Variants in ATP8B1 observed in about 807,000 individuals in gnomAD.
ATP8B1 encodes phospholipid-transporting ATPase IC.
ATP8B1 carries 80 observed loss-of-function variants against 149.9 expected under a neutral mutation model. That is an observed-to-expected ratio of 0.53 (90% CI 0.45 to 0.64). The LOEUF is 0.64. Among genes scored for constraint, ATP8B1 ranks in the 30% least tolerant of loss-of-function variants. ATP8B1 has a pLI of 0.00. For missense variants in ATP8B1, 1,247 were observed against 1,552.6 expected (o/e 0.80, Z 3.31); for synonymous variants, 536 against 562.8 (o/e 0.95, Z 0.67).
intron 2 of ATP8B1, among the ~76,000 whole-genome samples, chr18:57,722,407 A>G (rs1193589861): frequency 7.0e-6 from 1 of 142,824 alleles, no homozygotes; most frequent in Admixed American, 7.1e-5. Context: ...AAAAAATGAT[A>G]AAGGGGATAT....
chr18:57,794,709 T>C (rs1681955976), intron 1 of ATP8B1, among the ~76,000 whole-genome samples: 1 of 151,826 alleles, frequency 6.6e-6, no homozygotes. Context: ...CACTTGAACC[T>C]GGGAGGCGGA....
At position 57,648,361 on chromosome 18, in the gene ATP8B1, A is replaced by G. The variant is rs1456983955; in HGVS notation, c.*127T>C. The G allele has an allele frequency of 1.8e-6, 2 of 1,130,406 alleles. No homozygotes were observed. Among genetic ancestry groups the G allele is most frequent in the Non-Finnish European group, 2.6e-6 (2 of 767,322 alleles). The allele number at this position is 1,130,406 out of a possible 1,614,324, so 70.0% of individuals were successfully genotyped here. On this transcript the variant is annotated 3_prime_UTR_variant, in exon 28 of 28. Transcript: ENST00000648908. ...TAGTCCAACCCAAGGAGTTTGTTAT[A>G]AAGATTATTTATTGTCTTCAATATC...
At chr18:57,707,591 C>T (rs998657371) in intron 2 of ATP8B1, among the ~76,000 whole-genome samples, 1 of 143,616 alleles carries the variant, frequency 7.0e-6, no homozygotes, top group African/African-American at 2.6e-5. Context: ...TCACTGCAAC[C>T]TCTGCCTCCC....
chr18:57,789,936 G>A (rs1380345719), intron 1 of ATP8B1, among the ~76,000 whole-genome samples: 1 of 152,026 alleles, frequency 6.6e-6, no homozygotes, highest in East Asian at 1.9e-4. Context: ...TCCCAAAACT[G>A]TGTCTCCAAC....
intron 1 of ATP8B1, among the ~76,000 whole-genome samples, chr18:57,797,371 T>C (rs1034559786): frequency 2.6e-5 from 4 of 152,182 alleles, no homozygotes; most frequent in Non-Finnish European, 4.4e-5. Context: ...ACAGTACTCA[T>C]TGCAGAAGTG....
intron 3 of ATP8B1, 54 bp downstream of exon 3, chr18:57,706,436 C>G: frequency 6.9e-7 from 1 of 1,459,408 alleles, no homozygotes; most frequent in Non-Finnish European, 9.6e-7. Context: ...AGCATGCCAG[C>G]TACTGGAAAA....
intron 1 of ATP8B1, chr18:57,734,023 T>C (rs1269911363): frequency 6.6e-6 from 1 of 152,208 alleles, no homozygotes; most frequent in African/African-American, 2.4e-5. Context: ...TCTCATATTA[T>C]AGGATAATGT....
intron 1 of ATP8B1, among the ~76,000 whole-genome samples, chr18:57,754,782 C>CTACT (rs1047925530): frequency 1.2e-4 from 18 of 152,264 alleles, no homozygotes; most frequent in African/African-American, 4.1e-4. Context: ...AACTCGTAAC[C>CTACT]TACTGTCTCA....
At chr18:57,721,004 T>A (rs912254520) in intron 2 of ATP8B1, among the ~76,000 whole-genome samples, 21 of 128,328 alleles carry the variant, frequency 1.6e-4, no homozygotes, top group African/African-American at 6.2e-4. Flanking sequence ...CTAAGCTTCA[T>A]AAGTGAAGGA....
rs767343941 is a variant in ATP8B1, at chr18:57,648,528, G to A, written c.3716C>T (p.Ala1239Val). 2.5e-6 allele frequency: 4 copies of A among 1,611,372 alleles called. No individual in the cohort carries two copies. Among genetic ancestry groups the A allele is most frequent in the East Asian group, 2.2e-5 (1 of 44,888 alleles). The change falls in exon 28 of 28, where the codon GCG (alanine) becomes GTG (valine). Residue 1239 changes from alanine (A) to valine (V), a missense_variant. Transcript: ENST00000648908. The part of the protein sequence containing the change: ...KKRSPLDAIV[A>V]DGTAEYRRTG... ...GCGCCTGTACTCCGCGGTGCCATCC[G>A]CCACGATGGCATCAAGCGGCGAGCG... is the stretch of plus-strand genomic sequence containing the variant.
At chr18:57,732,291 ATATATATGTG>A (rs2079789347) in intron 1 of ATP8B1, among the ~76,000 whole-genome samples, 1 of 6,686 alleles carries the variant, frequency 1.5e-4, no homozygotes, top group African/African-American at 6.8e-4. Context: ...GTATATATGT[ATATATATGTG>A]TATATATGTG....
intron 2 of ATP8B1, among the ~76,000 whole-genome samples, chr18:57,727,392 T>TA (rs1451355633): frequency 6.6e-6 from 1 of 152,232 alleles, no homozygotes; most frequent in Non-Finnish European, 1.5e-5. Context: ...CTACGATTGA[T>TA]ACGTTTCAAT....
At chr18:57,733,386 G>A (rs571828852) in intron 1 of ATP8B1, among the ~76,000 whole-genome samples, 1 of 152,226 alleles carries the variant, frequency 6.6e-6, no homozygotes, top group East Asian at 1.9e-4. Flanking sequence ...ACACTGGAGT[G>A]CTAAATAATT....
intron 22 of ATP8B1, among the ~76,000 whole-genome samples, 198 bp downstream of exon 22, chr18:57,660,976 C>T (rs771695475): frequency 1.3e-5 from 2 of 152,190 alleles, no homozygotes; most frequent in Non-Finnish European, 2.9e-5. Flanking sequence ...GTCAGTGATA[C>T]TCTTTCCTCC....
At chr18:57,705,303 T>C (rs1913334276) in intron 3 of ATP8B1, among the ~76,000 whole-genome samples, 1 of 152,060 alleles carries the variant, frequency 6.6e-6, no homozygotes, top group African/African-American at 2.4e-5. Context: ...CCAGGAAAAG[T>C]GAGGCTTTTA....
chr18:57,749,857 C>A (rs1417952875), intron 1 of ATP8B1, among the ~76,000 whole-genome samples: 1 of 152,172 alleles, frequency 6.6e-6, no homozygotes, highest in Non-Finnish European at 1.5e-5. Flanking sequence ...GCTATTTTAA[C>A]ACTTTGATCC....
chr18:57,676,138 TA>T (rs1911570475), intron 15 of ATP8B1, among the ~76,000 whole-genome samples: 1 of 152,172 alleles, frequency 6.6e-6, no homozygotes, highest in African/African-American at 2.4e-5. Context: ...ATCTTCCCTC[TA>T]AAAAAGTATG....
At position 57,655,268 on chromosome 18, in the gene ATP8B1, A is replaced by G; in HGVS notation, c.2857T>C (p.Tyr953His). 4 of 1,614,232 alleles carry G rather than the reference A, an allele frequency of 2.5e-6. No homozygotes were observed. The highest frequency in any genetic ancestry group is 3.4e-6 in the Non-Finnish European group (4 of 1,180,034). The change falls in exon 23 of 28, where the codon TAC becomes CAC. Residue 953 changes from tyrosine (Y) to histidine (H), a missense_variant. Transcript: ENST00000648908. Reference sequence around the variant, plus strand: ...AAGGCAAAGTTTTTGTAAAAGAAGTATCGTAGGAACTTGCACATCCTTATG... The same window carrying G: ...AAGGCAAAGTTTTTGTAAAAGAAGTGTCGTAGGAACTTGCACATCCTTATG... ...SYIRMCKFLR[Y>H]FFYKNFAFTL...
chr18:57,675,047 CA>C (rs1911511656), intron 15 of ATP8B1, 25 bp from the exon 16 acceptor site: 2 of 1,611,822 alleles, frequency 1.2e-6, no homozygotes, highest in African/African-American at 2.7e-5. Flanking sequence ...AGAGAAATCC[CA>C]GAAAAGCTGT....
Sources: allele counts gnomAD v4.1 joint callset (sites outside exome capture counted in the v4.1 genomes callset), GRCh38; gene constraint gnomAD v4.1.1; transcripts MANE v1.5; gene names NCBI Gene and HGNC (gene_info 2026-07-23, HGNC 2026-07-21).